AGBL1: variants seen among roughly 807,000 people sequenced by gnomAD.
AGBL1 encodes cytosolic carboxypeptidase 4.
AGBL1 carries 130 observed loss-of-function variants against 118.9 expected under a neutral mutation model. That is an observed-to-expected ratio of 1.09 (90% CI 0.95 to 1.26). The LOEUF is 1.26. Ranked by LOEUF, AGBL1 falls within the 50% of genes most tolerant of loss-of-function variation. The probability of loss-of-function intolerance (pLI) is 0.00; values close to 1 mark genes in which losing one functional copy is unlikely to be tolerated. For missense variants in AGBL1, 1,584 were observed against 1,298.1 expected (o/e 1.22, Z -3.38); for synonymous variants, 555 against 478.9 (o/e 1.16, Z -2.08).
Position 86,262,862 on chromosome 15 carries a change from G to A in AGBL1, c.1054G>A (p.Val352Met). The stretch of plus-strand genomic sequence containing the variant: ...TGAAGAGGAACTGATGCAATATGAG[G>A]TGATGTGTCTTGAGCTCTCCTATAG... ...RPEEELMQYE[V>M]MCLELSYSFE... Residue 352 changes from valine to methionine, a missense_variant, in exon 10 of 23, where the codon GTG (valine) becomes ATG (methionine). By Grantham distance (21) the Val-to-Met change is conservative (BLOSUM62 1). Transcript: ENST00000614907. The A allele has an allele frequency of 6.2e-7, 1 of 1,610,040 alleles. No homozygotes were observed. Among genetic ancestry groups the A allele is most frequent in the South Asian group, 1.1e-5 (1 of 89,670 alleles).
chr15:86,475,736 A>G (rs945435931), intron 18 of AGBL1, among the ~76,000 whole-genome samples: 1 of 152,160 alleles, frequency 6.6e-6, no homozygotes, highest in Non-Finnish European at 1.5e-5. Context: ...CCACAAAGAT[A>G]CTCATCAAGA....
chr15:86,196,677 C>T (rs2077807739), intron 5 of AGBL1, among the ~76,000 whole-genome samples: 2 of 151,892 alleles, frequency 1.3e-5, no homozygotes. Context: ...GAATTGTGTC[C>T]CACCAAGTAC....
chr15:86,826,425 A>AAT, intron 22 of AGBL1, among the ~76,000 whole-genome samples: 1 of 152,140 alleles, frequency 6.6e-6, no homozygotes, highest in South Asian at 2.1e-4. Flanking sequence ...ATTACACGAC[A>AAT]TCTAAAATTT....
intron 22 of AGBL1, among the ~76,000 whole-genome samples, chr15:86,835,560 T>C (rs1244625730): frequency 2.0e-5 from 3 of 152,054 alleles, no homozygotes; most frequent in African/African-American, 4.8e-5. Flanking sequence ...ATGGTGTTTC[T>C]GGTAAGCAGG....
chr15:86,085,133 G>A (rs1425754835), intron 1 of AGBL1, among the ~76,000 whole-genome samples: 1 of 152,222 alleles, frequency 6.6e-6, no homozygotes, highest in Non-Finnish European at 1.5e-5. Context: ...TGCATGTGAT[G>A]AATGCCATGG....
Position 86,264,037 on chromosome 15 carries a change from A to G in AGBL1, c.1087-221A>G, listed in dbSNP as rs140587343. The stretch of plus-strand genomic sequence containing the variant: ...TGAAGACATTCAAATACTGTTTTGC[A>G]TTGGACTAGACCCACCAAAAGCCCC... On this transcript the variant is annotated intron_variant, in intron 10 of 22. Coordinates refer to ENST00000614907, the MANE Select transcript of AGBL1 (RefSeq NM_001386094.1). 1.6e-4 allele frequency among the ~76,000 whole-genome samples: 25 copies of G among 152,300 alleles called. No individual in the cohort carries two copies. In the East Asian group the frequency reaches 4.8e-3, roughly 29 times the overall value.
intron 22 of AGBL1, among the ~76,000 whole-genome samples, chr15:86,726,013 A>C (rs920454943): frequency 6.6e-6 from 1 of 152,340 alleles, no homozygotes; most frequent in East Asian, 1.9e-4. Context: ...ATTTTGTTCA[A>C]CCTTCACCAA....
chr15:86,783,047 A>C (rs1361234282), intron 22 of AGBL1, among the ~76,000 whole-genome samples: 2 of 152,222 alleles, frequency 1.3e-5, no homozygotes, highest in African/African-American at 2.4e-5. Context: ...TGAGAAAAAC[A>C]GTTGCATCCC....
intron 22 of AGBL1, among the ~76,000 whole-genome samples, chr15:86,764,216 T>A (rs941257788): frequency 3.9e-5 from 6 of 151,944 alleles, no homozygotes; most frequent in African/African-American, 1.4e-4. Flanking sequence ...AACCAGGGAT[T>A]GAAGGGCAGG....
At chr15:86,874,408 A>ACACACACC (rs1488549369) in intron 22 of AGBL1, among the ~76,000 whole-genome samples, 3 of 150,708 alleles carry the variant, frequency 2.0e-5, no homozygotes, top group Non-Finnish European at 3.0e-5. Context: ...ACACACACAC[A>ACACACACC]CCCTGGGGCC....
intron 21 of AGBL1, among the ~76,000 whole-genome samples, chr15:86,579,884 C>T (rs1396378066): frequency 6.6e-6 from 1 of 152,090 alleles, no homozygotes; most frequent in African/African-American, 2.4e-5. Context: ...GTGGGAAAAG[C>T]CTATGATGAC....
intron 17 of AGBL1, among the ~76,000 whole-genome samples, chr15:86,336,521 G>T (rs1420147662): frequency 6.6e-6 from 1 of 152,190 alleles, no homozygotes; most frequent in East Asian, 1.9e-4. Context: ...CACTTGTCTG[G>T]AATAACAACT....
chr15:86,380,246 T>TG (rs201089773), intron 17 of AGBL1, among the ~76,000 whole-genome samples: 31,978 of 145,426 alleles, frequency 0.22, 4,176 homozygotes, highest in East Asian at 0.62. Flanking sequence ...CCTGCCTGCC[T>TG]CCCTCCCTCC....
At chr15:86,498,701 C>G (rs1463791880) in intron 18 of AGBL1, among the ~76,000 whole-genome samples, 2 of 151,762 alleles carry the variant, frequency 1.3e-5, no homozygotes, top group Non-Finnish European at 2.9e-5. Context: ...AATAGCAAGG[C>G]CTATTTACAA....
intron 22 of AGBL1, among the ~76,000 whole-genome samples, chr15:86,682,103 C>T (rs12595242): frequency 0.33 from 50,727 of 151,914 alleles, 9,115 homozygotes; most frequent in East Asian, 0.64. Context: ...TAAAAATTAG[C>T]GCATAGTATG....
chr15:86,996,028 T>C (rs996184426), intron 24 of AGBL1, among the ~76,000 whole-genome samples: 1 of 152,210 alleles, frequency 6.6e-6, no homozygotes, highest in African/African-American at 2.4e-5. Context: ...CTGTATTTTA[T>C]CATTTTTTAC....
chr15:86,281,094 C>G (rs1387112358), intron 16 of AGBL1, among the ~76,000 whole-genome samples: 1 of 152,170 alleles, frequency 6.6e-6, no homozygotes, highest in Admixed American at 6.6e-5. Flanking sequence ...CATGAAAAGT[C>G]TACTGTGGGC....
chr15:86,600,680 C>T (rs932753134), intron 21 of AGBL1, among the ~76,000 whole-genome samples: 3 of 152,140 alleles, frequency 2.0e-5, no homozygotes, highest in African/African-American at 7.2e-5. Context: ...GGAAAGGAAG[C>T]TGAATCAGAA....
chr15:86,305,667 C>A (rs1010433918), intron 17 of AGBL1, among the ~76,000 whole-genome samples: 9 of 152,186 alleles, frequency 5.9e-5, no homozygotes, highest in Non-Finnish European at 1.0e-4. Context: ...ACTCCTCAGA[C>A]AATTACTGTT....
Sources: allele counts gnomAD v4.1 joint callset (sites outside exome capture counted in the v4.1 genomes callset), GRCh38; gene constraint gnomAD v4.1.1; transcripts MANE v1.5; gene names NCBI Gene and HGNC (gene_info 2026-07-23, HGNC 2026-07-21).